The following ALDH1A2 variants were observed in gnomAD, a reference collection of about 807,000 sequenced individuals.
ALDH1A2 encodes the protein aldehyde dehydrogenase 1 family member A2.
ALDH1A2 carries 27 observed loss-of-function variants against 60.3 expected under a neutral mutation model. The ratio of observed to expected loss-of-function variants is 0.45; its 90% CI spans 0.33 to 0.62. The LOEUF is 0.62. Among genes scored for constraint, ALDH1A2 ranks in the 20% least tolerant of loss-of-function variants. The probability of loss-of-function intolerance (pLI) is 0.02; values close to 1 mark genes in which losing one functional copy is unlikely to be tolerated. For missense variants in ALDH1A2, 581 were observed against 643.8 expected (o/e 0.90, Z 1.06); for synonymous variants, 289 against 232.4 (o/e 1.24, Z -2.21).
At chr15:58,002,453 C>T (rs1355933964) in intron 4 of ALDH1A2, among the ~76,000 whole-genome samples, 1 of 151,896 alleles carries the variant, frequency 6.6e-6, no homozygotes. Context: ...TCAGATCTTA[C>T]AGTTGCCTGA....
intron 1 of ALDH1A2, among the ~76,000 whole-genome samples, chr15:58,046,906 A>T (rs139488353): frequency 1.3e-5 from 2 of 152,194 alleles, no homozygotes; most frequent in African/African-American, 2.4e-5. Flanking sequence ...GATTCTTCTA[A>T]AAGTTGCTTT....
chr15:58,045,834 A>G (rs1896628058), intron 1 of ALDH1A2, among the ~76,000 whole-genome samples: 1 of 152,036 alleles, frequency 6.6e-6, no homozygotes, highest in South Asian at 2.1e-4. Context: ...GTATAATTAA[A>G]AAAGAATATG....
Position 58,052,952 on chromosome 15 carries a change from T to C in ALDH1A2, c.117+12582A>G, listed in dbSNP as rs114043650. Among the ~76,000 whole-genome samples the C allele has an allele frequency of 6.1e-3, 923 of 152,324 alleles. 11 individuals carry two copies. The highest frequency in any genetic ancestry group is 0.021 in the African/African-American group (878 of 41,582). On this transcript the variant is annotated intron_variant, in intron 1 of 12. Coordinates refer to ENST00000249750, the MANE Select transcript of ALDH1A2 (RefSeq NM_003888.4). The stretch of plus-strand genomic sequence containing the variant: ...CTTTACCTTGGAATTCACTTTCTAG[T>C]CCTGGCATTTTAACTATTAATGACT...
chr15:57,965,794 T>C lies in ALDH1A2; in HGVS notation c.832A>G (p.Ser278Gly). The part of the protein sequence containing the change: ...GKLIQEAAGR[S>G]NLKRVTLELG... Reference sequence around the variant, plus strand: ...TCCAGAGTTACTCTCTTCAAATTACTTCTTCCAGCTGCTTCTTGGATAAGC... The same window carrying C: ...TCCAGAGTTACTCTCTTCAAATTACCTCTTCCAGCTGCTTCTTGGATAAGC... Residue 278 changes from serine to glycine, a missense_variant, in exon 8 of 13, where the codon AGT (serine) becomes GGT (glycine). Physicochemically the swap from Ser to Gly is moderately conservative, Grantham distance 56 (BLOSUM62 0). Around this residue, in one of 2 missense-constraint regions of ALDH1A2, gnomAD observed 375 missense variants for 469.7 expected, o/e 0.80. Coordinates refer to ENST00000249750, the MANE Select transcript of ALDH1A2 (RefSeq NM_003888.4). 2 of 1,614,192 alleles carry C rather than the reference T, an allele frequency of 1.2e-6. No individual in the cohort carries two copies. The highest frequency in any genetic ancestry group is 1.7e-6 in the Non-Finnish European group (2 of 1,180,006).
intron 1 of ALDH1A2, among the ~76,000 whole-genome samples, chr15:58,058,852 C>A (rs528452306): frequency 1.3e-5 from 2 of 152,134 alleles, no homozygotes; most frequent in Admixed American, 1.3e-4. Context: ...AAAGTTCACA[C>A]GCAGACATAC....
chr15:58,026,731 C>G (rs868179426), intron 1 of ALDH1A2, among the ~76,000 whole-genome samples: 3 of 152,188 alleles, frequency 2.0e-5, no homozygotes, highest in Non-Finnish European at 4.4e-5. Flanking sequence ...ATGCCAGGTT[C>G]GGCGGGTCCC....
chr15:58,058,347 C>T (rs1184039950), intron 1 of ALDH1A2, among the ~76,000 whole-genome samples: 2 of 151,262 alleles, frequency 1.3e-5, no homozygotes, highest in Non-Finnish European at 2.9e-5. Flanking sequence ...TTCCTAAACT[C>T]ACAATATTTC....
At chr15:57,997,089 G>C (rs535717866) in intron 4 of ALDH1A2, among the ~76,000 whole-genome samples, 2 of 151,954 alleles carry the variant, frequency 1.3e-5, no homozygotes, top group African/African-American at 4.8e-5. Context: ...AAGTAGGCTG[G>C]ATTCTGCAAC....
chr15:58,056,295 C>A (rs1227158376), intron 1 of ALDH1A2, among the ~76,000 whole-genome samples: 6 of 152,034 alleles, frequency 3.9e-5, no homozygotes, highest in African/African-American at 1.2e-4. Flanking sequence ...ATAGAGAAGA[C>A]CACACATTCT....
chr15:57,971,466 C>T (rs1204117214), intron 7 of ALDH1A2, among the ~76,000 whole-genome samples: 1 of 152,090 alleles, frequency 6.6e-6, no homozygotes, highest in East Asian at 1.9e-4. Flanking sequence ...CACTCTCTTG[C>T]CAAGGTTGAA....
At chr15:58,028,992 A>C (rs1346498538) in intron 1 of ALDH1A2, among the ~76,000 whole-genome samples, 1 of 152,130 alleles carries the variant, frequency 6.6e-6, no homozygotes, top group African/African-American at 2.4e-5. Context: ...ATACATCTAC[A>C]AGAAAGAAGG....
chr15:58,022,896 A>T (rs1210819773), intron 1 of ALDH1A2, among the ~76,000 whole-genome samples: 1 of 152,246 alleles, frequency 6.6e-6, no homozygotes, highest in Non-Finnish European at 1.5e-5. Flanking sequence ...AATAGGAAGA[A>T]CCAACTGTTA....
At chr15:57,969,438 G>A (rs1468077216) in intron 7 of ALDH1A2, among the ~76,000 whole-genome samples, 1 of 152,196 alleles carries the variant, frequency 6.6e-6, no homozygotes, top group African/African-American at 2.4e-5. Flanking sequence ...GAAAGTATAA[G>A]AATGAACGAA....
chr15:58,011,788 G>A (rs1595665830), intron 3 of ALDH1A2, among the ~76,000 whole-genome samples: 2 of 152,226 alleles, frequency 1.3e-5, no homozygotes, highest in Non-Finnish European at 2.9e-5. Flanking sequence ...TTAAAAAAGG[G>A]AATCAAACTA....
At chr15:57,955,971 T>C (rs1320824887) in intron 12 of ALDH1A2, among the ~76,000 whole-genome samples, 2 of 152,230 alleles carry the variant, frequency 1.3e-5, no homozygotes. Flanking sequence ...TCTTCAGTGA[T>C]GCTTTTCCCA....
intron 1 of ALDH1A2, among the ~76,000 whole-genome samples, chr15:58,048,355 CA>C (rs1488761482): frequency 6.6e-6 from 1 of 152,048 alleles, no homozygotes; most frequent in African/African-American, 2.4e-5. Context: ...AGGACATTAA[CA>C]GTTAGGTAGC....
At chr15:57,981,289 A>C (rs1410494486) in intron 7 of ALDH1A2, among the ~76,000 whole-genome samples, 9 of 142,044 alleles carry the variant, frequency 6.3e-5, no homozygotes, top group Admixed American at 2.8e-4. Context: ...TAGAAGAGCA[A>C]ACACACACAC....
At chr15:58,061,536 A>C (rs755516526) in intron 1 of ALDH1A2, among the ~76,000 whole-genome samples, 2 of 143,104 alleles carry the variant, frequency 1.4e-5, no homozygotes, top group Admixed American at 7.4e-5. Flanking sequence ...ACTAGTTCAT[A>C]TTTTCTCCAT....
chr15:57,993,981 A>G (rs1266908573), intron 5 of ALDH1A2, among the ~76,000 whole-genome samples: 1 of 152,222 alleles, frequency 6.6e-6, no homozygotes, highest in Non-Finnish European at 1.5e-5. Context: ...AGTTGTTTAT[A>G]AACTTGGGAG....
Sources: allele counts gnomAD v4.1 joint callset (sites outside exome capture counted in the v4.1 genomes callset), GRCh38; gene constraint gnomAD v4.1.1; regional missense constraint gnomAD v4.1.1; transcripts MANE v1.5; gene names NCBI Gene and HGNC (gene_info 2026-07-23, HGNC 2026-07-21).